CNTNAP2: variants seen among roughly 807,000 people sequenced by gnomAD.
The protein encoded by CNTNAP2 is contactin associated protein 2, also known as contactin-associated protein-like 2.
Under a neutral mutation model 155.2 loss-of-function variants are expected in CNTNAP2, and 98 were observed. The observed-to-expected ratio is 0.63, with a 90% confidence interval of 0.54 to 0.75. The LOEUF is 0.75. CNTNAP2 is among the 30% of genes least tolerant of loss of function. The pLI, the probability that CNTNAP2 is intolerant of heterozygous loss-of-function variation, is 0.00. For synonymous variants in CNTNAP2, 651 were observed against 631.2 expected, an observed-to-expected ratio of 1.03 and a Z score of -0.47; for missense variants, 1,727 against 1,688.1, an observed-to-expected ratio of 1.02 and a Z score of -0.40.
intron 13 of CNTNAP2, among the ~76,000 whole-genome samples, chr7:147,891,244 G>A (rs1020060608): frequency 8.0e-5 from 12 of 149,870 alleles, no homozygotes; most frequent in Admixed American, 4.7e-4. Context: ...TCACTCTGTC[G>A]CCCAGGCTGG....
chr7:147,935,094 G>GTT (rs5888295), intron 14 of CNTNAP2, among the ~76,000 whole-genome samples: 8 of 145,004 alleles, frequency 5.5e-5, no homozygotes, highest in African/African-American at 1.3e-4. Flanking sequence ...AAAGTTTTTT[G>GTT]TTTTTTTTTT....
chr7:146,988,021 T>A (rs1243550875), intron 3 of CNTNAP2, among the ~76,000 whole-genome samples: 1 of 152,118 alleles, frequency 6.6e-6, no homozygotes, highest in African/African-American at 2.4e-5. Context: ...AGGCCTCAAT[T>A]TTCTCACGAA....
intron 15 of CNTNAP2, among the ~76,000 whole-genome samples, chr7:147,986,046 T>C (rs1221488840): frequency 2.0e-5 from 3 of 152,156 alleles, no homozygotes; most frequent in Admixed American, 2.0e-4. Flanking sequence ...AAGTTTTCAT[T>C]ACACTGTGTA....
intron 3 of CNTNAP2, among the ~76,000 whole-genome samples, chr7:146,868,816 T>C (rs955853716): frequency 2.0e-5 from 3 of 152,172 alleles, no homozygotes; most frequent in Admixed American, 6.6e-5. Flanking sequence ...CCTGTCTGCT[T>C]AGCTGTTGTT....
intron 3 of CNTNAP2, among the ~76,000 whole-genome samples, chr7:146,938,999 G>A (rs570157275): frequency 1.3e-5 from 2 of 152,142 alleles, no homozygotes; most frequent in Admixed American, 6.5e-5. Context: ...AGCCTTTACT[G>A]TAGGACAAAT....
At chr7:146,171,279 T>G (rs887425653) in intron 1 of CNTNAP2, among the ~76,000 whole-genome samples, 6 of 152,196 alleles carry the variant, frequency 3.9e-5, no homozygotes, top group African/African-American at 1.2e-4. Context: ...AACAATATTT[T>G]ATAGTATAGT....
chr7:148,203,321 TAAA>T (rs1186547676), intron 18 of CNTNAP2, among the ~76,000 whole-genome samples: 1 of 152,128 alleles, frequency 6.6e-6, no homozygotes, highest in Non-Finnish European at 1.5e-5. Flanking sequence ...ACTCCAGAAA[TAAA>T]AAGTCAAATA....
chr7:147,834,654 T>A (rs1355133711), intron 13 of CNTNAP2, among the ~76,000 whole-genome samples: 2 of 152,258 alleles, frequency 1.3e-5, no homozygotes, highest in South Asian at 2.1e-4. Context: ...GTTTGGTGGC[T>A]ACATGAACTC....
chr7:147,903,517 G>T, intron 13 of CNTNAP2, 48 bp from the exon 14 acceptor site: 1 of 1,607,486 alleles, frequency 6.2e-7, no homozygotes, highest in South Asian at 1.1e-5. Context: ...GCAGTCTAAT[G>T]ACTGAACCCA....
At chr7:146,935,919 A>T (rs1796905042) in intron 3 of CNTNAP2, among the ~76,000 whole-genome samples, 1 of 152,178 alleles carries the variant, frequency 6.6e-6, no homozygotes, top group Admixed American at 6.5e-5. Flanking sequence ...TATCCTCCCG[A>T]TAGTCATAAT....
chr7:146,217,322 T>C (rs1035470227), intron 1 of CNTNAP2, among the ~76,000 whole-genome samples: 2 of 152,218 alleles, frequency 1.3e-5, no homozygotes, highest in African/African-American at 2.4e-5. Context: ...TTTACGTTCA[T>C]TGCATCACAT....
At chr7:148,369,373 CACT>C (rs1798846863) in intron 21 of CNTNAP2, among the ~76,000 whole-genome samples, 1 of 151,048 alleles carries the variant, frequency 6.6e-6, no homozygotes, top group Admixed American at 6.6e-5. Context: ...TAATTTGTGC[CACT>C]ACACCCGGCT....
chr7:147,261,904 G>A (rs1437268283), intron 8 of CNTNAP2, among the ~76,000 whole-genome samples: 4 of 152,186 alleles, frequency 2.6e-5, no homozygotes, highest in Non-Finnish European at 5.9e-5. Flanking sequence ...TGACAAAGCA[G>A]AAGATAATTA....
chr7:146,511,501 T>A (rs1797465782), intron 1 of CNTNAP2, among the ~76,000 whole-genome samples: 1 of 152,220 alleles, frequency 6.6e-6, no homozygotes, highest in African/African-American at 2.4e-5. Flanking sequence ...CCTGAAAGGG[T>A]GTATTATATC....
At chr7:147,195,846 A>G (rs541826491) in intron 8 of CNTNAP2, among the ~76,000 whole-genome samples, 2 of 152,204 alleles carry the variant, frequency 1.3e-5, no homozygotes, top group South Asian at 2.1e-4. Flanking sequence ...GGAGCCAGCT[A>G]TCTGGATTCT....
chr7:146,426,185 C>CAAA (rs57484419), intron 1 of CNTNAP2, among the ~76,000 whole-genome samples: 698 of 54,592 alleles, frequency 0.013, 37 homozygotes, highest in African/African-American at 0.047. Context: ...GACTTCGCCT[C>CAAA]AAAAAAAAAA....
intron 8 of CNTNAP2, among the ~76,000 whole-genome samples, chr7:147,263,849 C>T (rs1418533252): frequency 6.6e-6 from 1 of 152,174 alleles, no homozygotes. Flanking sequence ...TCAGTTCACT[C>T]TTCCGGGAAT....
At chr7:147,332,177 A>G (rs956293147) in intron 9 of CNTNAP2, among the ~76,000 whole-genome samples, 1 of 152,204 alleles carries the variant, frequency 6.6e-6, no homozygotes, top group East Asian at 1.9e-4. Context: ...AGGGCCAAGA[A>G]CACGGGAAAT....
chr7:147,894,172 G>A, intron 13 of CNTNAP2: 1 of 152,190 alleles, frequency 6.6e-6, no homozygotes, highest in East Asian at 1.9e-4. Flanking sequence ...GTGCAAGAAT[G>A]TTTTGAATGG....
Sources: allele counts gnomAD v4.1 joint callset (sites outside exome capture counted in the v4.1 genomes callset), GRCh38; gene constraint gnomAD v4.1.1; transcripts MANE v1.5; gene names NCBI Gene and HGNC (gene_info 2026-07-23, HGNC 2026-07-21).